The following TMEM236 variants were observed in gnomAD, a reference collection of about 807,000 sequenced individuals.
TMEM236 encodes the protein family with sequence similarity 23, member A.
A neutral mutation model predicts 14.7 loss-of-function variants in TMEM236; 11 were observed. That is an observed-to-expected ratio of 0.75 (90% CI 0.47 to 1.24). The LOEUF is 1.24. Among genes scored for constraint, TMEM236 ranks in the 50% most tolerant of loss-of-function variants. The pLI, the probability that TMEM236 is intolerant of heterozygous loss-of-function variation, is 0.00. For synonymous variants in TMEM236, 182 were observed against 168.6 expected, an observed-to-expected ratio of 1.08 and a Z score of -0.62; for missense variants, 464 against 427.3, an observed-to-expected ratio of 1.09 and a Z score of -0.76.
chr10:17,756,923 G>A (rs1837292671), intron 1 of TMEM236, among the ~76,000 whole-genome samples: 1 of 152,172 alleles, frequency 6.6e-6, no homozygotes, highest in African/African-American at 2.4e-5. Context: ...TACCTCCCCT[G>A]TGCTAAAGTG....
chr10:17,768,726 CATGT>C (rs1382075710), intron 1 of TMEM236, among the ~76,000 whole-genome samples: 11 of 122,552 alleles, frequency 9.0e-5, no homozygotes, highest in African/African-American at 2.5e-4. Flanking sequence ...GTATACAACT[CATGT>C]GTGTGTGTGT....
intron 3 of TMEM236, among the ~76,000 whole-genome samples, chr10:17,787,982 C>T (rs1837865897): frequency 6.6e-6 from 1 of 152,042 alleles, no homozygotes; most frequent in Non-Finnish European, 1.5e-5. Context: ...GATTATTTCT[C>T]TTTGGCAATG....
rs879036347 is a variant in TMEM236 at position 17,768,086 on chromosome 10, G to GTTTTTTTTTT, written c.258-3210_258-3201dup. Among the ~76,000 whole-genome samples, 15 of 92,014 alleles carry GTTTTTTTTTT rather than the reference G, an allele frequency of 1.6e-4. 1 individual carries two copies. The highest frequency in any genetic ancestry group is 2.4e-4 in the Admixed American group (2 of 8,500). 60.4% of individuals were successfully genotyped at this position (92,014 alleles called of 152,430 possible). On this transcript the variant is annotated intron_variant, in intron 1 of 3. Coordinates refer to ENST00000377495, the MANE Select transcript of TMEM236 (RefSeq NM_001098844.3). ...CCACCACACCTCGCTAATTTTTGTG[G>GTTTTTTTTTT]TTTTTTTTTTTTTTTTTTTTTTGTA...
At chr10:17,789,835 C>A (rs1837894955) in intron 3 of TMEM236, among the ~76,000 whole-genome samples, 1 of 151,790 alleles carries the variant, frequency 6.6e-6, no homozygotes, top group South Asian at 2.1e-4. Context: ...TCCTGGCTAA[C>A]ATGGTGAAAC....
At chr10:17,760,816 G>C (rs1317072119) in intron 1 of TMEM236, among the ~76,000 whole-genome samples, 1 of 152,184 alleles carries the variant, frequency 6.6e-6, no homozygotes, top group Non-Finnish European at 1.5e-5. Context: ...AGGCAAGAGT[G>C]CATGTGCAGG....
chr10:17,764,004 CATG>C (rs1419943273), intron 1 of TMEM236, among the ~76,000 whole-genome samples: 1 of 152,070 alleles, frequency 6.6e-6, no homozygotes, highest in African/African-American at 2.4e-5. Context: ...TAGCCTGTGG[CATG>C]ATATGAACTC....
At chr10:17,780,638 C>G (rs1001078209) in intron 3 of TMEM236, among the ~76,000 whole-genome samples, 2 of 151,980 alleles carry the variant, frequency 1.3e-5, no homozygotes, top group African/African-American at 2.4e-5. Flanking sequence ...AGAACTAAGG[C>G]GTGTATGTAG....
At chr10:17,756,901 A>G (rs1837292251) in intron 1 of TMEM236, among the ~76,000 whole-genome samples, 2 of 152,156 alleles carry the variant, frequency 1.3e-5, no homozygotes, top group South Asian at 2.1e-4. Context: ...CATGTTGTGC[A>G]TCTGGCTCAG....
chr10:17,761,914 C>G (rs2131742560), intron 1 of TMEM236, among the ~76,000 whole-genome samples: 1 of 152,218 alleles, frequency 6.6e-6, no homozygotes, highest in African/African-American at 2.4e-5. Flanking sequence ...CGTAGAACAG[C>G]CTTCTTTATT....
chr10:17,795,673 G>A (rs1160892332), intron 3 of TMEM236, among the ~76,000 whole-genome samples: 1 of 152,150 alleles, frequency 6.6e-6, no homozygotes, highest in Non-Finnish European at 1.5e-5. Flanking sequence ...TAATGCATGT[G>A]AGGCTTAATA....
chr10:17,752,940 G>A (rs1375688546), intron 1 of TMEM236, among the ~76,000 whole-genome samples: 3 of 151,980 alleles, frequency 2.0e-5, no homozygotes, highest in Non-Finnish European at 4.4e-5. Context: ...TTTTTTGTTT[G>A]TTGTTTGTTT....
At chr10:17,784,823 A>G (rs1837807592) in intron 3 of TMEM236, among the ~76,000 whole-genome samples, 1 of 152,172 alleles carries the variant, frequency 6.6e-6, no homozygotes, top group African/African-American at 2.4e-5. Flanking sequence ...ACCCAAAAGA[A>G]TGGGGAAGCT....
chr10:17,766,228 C>G (rs2131745360), intron 1 of TMEM236, among the ~76,000 whole-genome samples: 1 of 152,314 alleles, frequency 6.6e-6, no homozygotes, highest in Non-Finnish European at 1.5e-5. Flanking sequence ...GCCTTCAACA[C>G]TTTGCTTAGA....
chr10:17,767,325 G>A (rs1435961181), intron 1 of TMEM236, among the ~76,000 whole-genome samples: 3 of 152,132 alleles, frequency 2.0e-5, no homozygotes, highest in African/African-American at 7.2e-5. Flanking sequence ...GCCAGGCGTG[G>A]TGGCATGTGC....
intron 3 of TMEM236, among the ~76,000 whole-genome samples, chr10:17,778,875 C>T (rs899059087): frequency 6.6e-6 from 1 of 152,138 alleles, no homozygotes; most frequent in African/African-American, 2.4e-5. Context: ...CAGTCTTCAC[C>T]GGACCAAGGA....
intron 1 of TMEM236, among the ~76,000 whole-genome samples, chr10:17,759,116 A>T (rs1837321170): frequency 6.6e-6 from 1 of 152,218 alleles, no homozygotes; most frequent in Non-Finnish European, 1.5e-5. Flanking sequence ...CATTCTAGGG[A>T]TGCCTGCCAG....
intron 3 of TMEM236, among the ~76,000 whole-genome samples, chr10:17,782,133 A>G (rs1198454825): frequency 6.6e-6 from 1 of 152,094 alleles, no homozygotes; most frequent in Non-Finnish European, 1.5e-5. Flanking sequence ...CTTTGTAGGC[A>G]GAGTGACCCG....
At chr10:17,777,179 A>G (rs1292861977) in intron 3 of TMEM236, among the ~76,000 whole-genome samples, 3 of 152,192 alleles carry the variant, frequency 2.0e-5, no homozygotes, top group African/African-American at 7.2e-5. Context: ...ATGGAAAGCA[A>G]AACTGAGGTG....
intron 1 of TMEM236, among the ~76,000 whole-genome samples, chr10:17,753,274 A>G (rs1837235539): frequency 6.6e-6 from 1 of 152,004 alleles, no homozygotes; most frequent in African/African-American, 2.4e-5. Flanking sequence ...TTGACTTTTA[A>G]CTTTTAAGTG....
Sources: gnomAD v4.1 joint callset for allele counts (sites outside exome capture counted in the v4.1 genomes callset) on GRCh38, gnomAD v4.1.1 for gene constraint, MANE v1.5 for transcripts, NCBI Gene and HGNC (gene_info 2026-07-23, HGNC 2026-07-21) for gene names.